WDFY4: variants seen among roughly 807,000 people sequenced by gnomAD.
WDFY4 encodes the protein WDFY family member 4.
Under a neutral mutation model 351.9 loss-of-function variants are expected in WDFY4, and 169 were observed. The ratio of observed to expected loss-of-function variants is 0.48; its 90% CI spans 0.42 to 0.55. The LOEUF (loss-of-function observed/expected upper bound fraction) is 0.55, where lower values mean the gene tolerates loss of function less well. WDFY4 is among the 20% of genes least tolerant of loss of function. The pLI is 0.00. For synonymous variants in WDFY4, 1,622 were observed against 1,574.6 expected, an observed-to-expected ratio of 1.03 and a Z score of -0.71; for missense variants, 3,803 against 3,935.6, an observed-to-expected ratio of 0.97 and a Z score of 0.90.
At chr10:48,953,900 A>G (rs1314134488) in intron 51 of WDFY4, among the ~76,000 whole-genome samples, 1 of 152,268 alleles carries the variant, frequency 6.6e-6, no homozygotes, top group Non-Finnish European at 1.5e-5. Flanking sequence ...GCAATGGTGC[A>G]CATAGACTTT....
intron 12 of WDFY4, among the ~76,000 whole-genome samples, chr10:48,747,776 A>G (rs10857631): frequency 0.091 from 13,832 of 152,228 alleles, 755 homozygotes; most frequent in South Asian, 0.17. Flanking sequence ...CACAAGAATC[A>G]TAATTATTTC....
rs999223465 is a variant in WDFY4 at position 48,964,041 on chromosome 10, A to G, written c.8423A>G (p.Gln2808Arg). The change falls in exon 54 of 62, where the codon CAG (glutamine) becomes CGG (arginine). Residue 2808 changes from glutamine (Q) to arginine (R), a missense_variant. By Grantham distance (43) the Gln-to-Arg change is conservative (BLOSUM62 1). This residue lies in a region of WDFY4 where 3,054 missense variants were observed against 3,148.6 expected (regional missense o/e 0.97). Transcript: ENST00000325239. Reference protein sequence around the residue: ...TILGFVSNFGQVPKQLFTKPH... With the variant: ...TILGFVSNFGRVPKQLFTKPH... ...CTGGGGTTTGTCAGCAACTTTGGAC[A>G]GGTGCCCAAACAGGTACAGCATGCC... 5.9e-5 allele frequency: 92 copies of G among 1,549,754 alleles called. No individual in the cohort carries two copies. Among genetic ancestry groups the G allele is most frequent in the Middle Eastern group, 2.2e-4 (1 of 4,534 alleles).
rs779591628 is a variant in WDFY4, at chr10:48,731,215, T to C, written c.1235T>C (p.Met412Thr). The part of the protein sequence containing the change: ...CIQVLSVIRT[M>T]WAWNARNFFL... ...CAAGTCTTGTCAGTCATCAGGACCA[T>C]GTGGGCCTGGAATGCTCGAAACTTC... The change falls in exon 9 of 62, where the codon ATG becomes ACG. Residue 412 changes from methionine (M) to threonine (T), a missense_variant. By Grantham distance (81) the Met-to-Thr change is moderately conservative. Around this residue, in one of 3 missense-constraint regions of WDFY4, gnomAD observed 261 missense variants for 330.2 expected, o/e 0.79. Coordinates refer to ENST00000325239, the MANE Select transcript of WDFY4 (RefSeq NM_001394531.1). 34 of 1,551,724 alleles carry C rather than the reference T, an allele frequency of 2.2e-5. No individual in the cohort carries two copies. Among genetic ancestry groups the C allele is most frequent in the Middle Eastern group, 3.3e-4 (2 of 6,014 alleles).
intron 1 of WDFY4, among the ~76,000 whole-genome samples, chr10:48,689,339 C>A (rs1293882998): frequency 6.6e-6 from 1 of 152,140 alleles, no homozygotes; most frequent in East Asian, 1.9e-4. Context: ...CCTTTGTTAT[C>A]CAATACAGAA....
intron 37 of WDFY4, 42 bp downstream of exon 37, chr10:48,828,938 C>A (rs757430789): frequency 1.9e-5 from 2 of 105,828 alleles, no homozygotes; most frequent in Non-Finnish European, 3.0e-5. Context: ...GGGGGGGGGG[C>A]GGGGAGGGGG....
chr10:48,945,362 C>T (rs774617194), intron 49 of WDFY4, among the ~76,000 whole-genome samples: 7 of 152,042 alleles, frequency 4.6e-5, no homozygotes, highest in Non-Finnish European at 7.4e-5. Flanking sequence ...GGCAACAGAG[C>T]GAGATTCTGT....
intron 1 of WDFY4, among the ~76,000 whole-genome samples, chr10:48,703,173 G>A (rs774189334): frequency 6.6e-6 from 1 of 151,020 alleles, no homozygotes; most frequent in Non-Finnish European, 1.5e-5. Flanking sequence ...GAATGGCTTT[G>A]CTATTTATTT....
intron 47 of WDFY4, among the ~76,000 whole-genome samples, chr10:48,931,178 T>C (rs1455870322): frequency 2.0e-5 from 3 of 152,040 alleles, no homozygotes; most frequent in African/African-American, 7.2e-5. Context: ...GTGGGAGTTA[T>C]TCACTGGAGC....
intron 39 of WDFY4, among the ~76,000 whole-genome samples, chr10:48,849,792 G>A (rs1418145680): frequency 6.6e-6 from 1 of 152,124 alleles, no homozygotes; most frequent in African/African-American, 2.4e-5. Context: ...CTAAACATCA[G>A]ACTTTATTTT....
chr10:48,928,083 C>CAG (rs1281393807), intron 47 of WDFY4, among the ~76,000 whole-genome samples: 1 of 152,174 alleles, frequency 6.6e-6, no homozygotes, highest in Non-Finnish European at 1.5e-5. Flanking sequence ...CTGCTATTGC[C>CAG]AGACAGGTGT....
At chr10:48,960,172 G>A (rs1238967974) in intron 53 of WDFY4, among the ~76,000 whole-genome samples, 1 of 152,152 alleles carries the variant, frequency 6.6e-6, no homozygotes, top group African/African-American at 2.4e-5. Flanking sequence ...GCCTCCCAGG[G>A]ACTCCCACTG....
Position 48,731,481 on chromosome 10 carries a change from A to G in WDFY4, c.1501A>G (p.Thr501Ala), listed in dbSNP as rs2064458651. 1 of 1,551,454 alleles carries G rather than the reference A, an allele frequency of 6.4e-7. No homozygotes were observed. The highest frequency in any genetic ancestry group is 8.7e-7 in the Non-Finnish European group (1 of 1,146,988). Residue 501 changes from threonine (T) to alanine (A), a missense_variant, in exon 9 of 62, where the codon ACC (threonine) becomes GCC (alanine). Thr to Ala is a moderately conservative substitution (Grantham distance 58). Around this residue, in one of 3 missense-constraint regions of WDFY4, gnomAD observed 261 missense variants for 330.2 expected, o/e 0.79. Coordinates refer to ENST00000325239, the MANE Select transcript of WDFY4 (RefSeq NM_001394531.1). ...LSIAGGDPLF[T>A]DIFRDSGLLG... ...CATCGCTGGTGGGGACCCCCTCTTCACCGACATCTTCCGGGACTCAGGGCT... is the reference window on the plus strand; with the variant it reads ...CATCGCTGGTGGGGACCCCCTCTTCGCCGACATCTTCCGGGACTCAGGGCT...
intron 32 of WDFY4, 53 bp downstream of exon 32, chr10:48,817,462 C>T: frequency 6.7e-7 from 1 of 1,491,224 alleles, no homozygotes; most frequent in South Asian, 1.3e-5. Flanking sequence ...CATCATCATC[C>T]TTCAAGGGCA....
intron 4 of WDFY4, among the ~76,000 whole-genome samples, chr10:48,721,802 C>T (rs2064096721): frequency 6.6e-6 from 1 of 152,180 alleles, no homozygotes; most frequent in South Asian, 2.1e-4. Context: ...GATGAGAACG[C>T]AGGCTTACCT....
At chr10:48,916,547 C>T (rs1838553811) in intron 47 of WDFY4, among the ~76,000 whole-genome samples, 1 of 152,152 alleles carries the variant, frequency 6.6e-6, no homozygotes, top group African/African-American at 2.4e-5. Flanking sequence ...CCTACTGCCA[C>T]TTGGCTCTAG....
chr10:48,708,772 G>A (rs912156694), intron 1 of WDFY4, among the ~76,000 whole-genome samples: 3 of 152,128 alleles, frequency 2.0e-5, no homozygotes, highest in African/African-American at 7.2e-5. Context: ...ATGAGCTCTT[G>A]TAAGCTTGGG....
intron 43 of WDFY4, among the ~76,000 whole-genome samples, chr10:48,884,639 C>G (rs971912094): frequency 2.0e-5 from 3 of 152,170 alleles, no homozygotes; most frequent in African/African-American, 7.2e-5. Context: ...ACACACCCCT[C>G]TGACTTTTTA....
intron 42 of WDFY4, among the ~76,000 whole-genome samples, chr10:48,875,885 T>C (rs1010489374): frequency 1.3e-5 from 2 of 152,218 alleles, no homozygotes; most frequent in Admixed American, 6.5e-5. Flanking sequence ...TAGGATGATA[T>C]TGTGATACCT....
At chr10:48,800,345 G>A (rs562504728) in intron 24 of WDFY4, among the ~76,000 whole-genome samples, 26 of 152,328 alleles carry the variant, frequency 1.7e-4, no homozygotes, top group South Asian at 8.3e-4. Flanking sequence ...AGGAGAAACG[G>A]TGGGATCCGT....
Sources: gnomAD v4.1 joint callset for allele counts (sites outside exome capture counted in the v4.1 genomes callset) on GRCh38, gnomAD v4.1.1 for gene constraint, gnomAD v4.1.1 regional missense constraint, MANE v1.5 for transcripts, NCBI Gene and HGNC (gene_info 2026-07-23, HGNC 2026-07-21) for gene names.